The following PTPN13 variants were observed in gnomAD, a reference collection of about 807,000 sequenced individuals.
PTPN13 encodes the protein tyrosine-protein phosphatase non-receptor type 13.
A neutral mutation model predicts 284.0 loss-of-function variants in PTPN13; 191 were observed. The ratio of observed to expected loss-of-function variants is 0.67; its 90% CI spans 0.60 to 0.76. The LOEUF (loss-of-function observed/expected upper bound fraction) is 0.76. PTPN13 is among the 30% of genes least tolerant of loss of function. The pLI is 0.00. For missense variants in PTPN13, 2,797 were observed against 2,939.9 expected, an observed-to-expected ratio of 0.95 and a Z score of 1.12; for synonymous variants, 986 against 1,022.3, an observed-to-expected ratio of 0.96 and a Z score of 0.68.
At chr4:86,705,333 CA>C (rs759784072) in intron 7 of PTPN13, among the ~76,000 whole-genome samples, 1,177 of 95,280 alleles carry the variant, frequency 0.012, 27 homozygotes, top group Middle Eastern at 0.051. Flanking sequence ...GACTCCGTCT[CA>C]AAAAAAAAAA....
rs371268712 is a variant in PTPN13 at position 86,749,549 on chromosome 4, A to G, written c.2651-921A>G. On this transcript the variant is annotated intron_variant, in intron 17 of 47. Coordinates refer to ENST00000411767, the MANE Select transcript of PTPN13 (RefSeq NM_080683.3). Reference sequence around the variant, plus strand: ...TCCTTTGCTCCTATTCTTCATTTACATATGCTGCATTGCTTTTGTTATTAG... The same window carrying G: ...TCCTTTGCTCCTATTCTTCATTTACGTATGCTGCATTGCTTTTGTTATTAG... Among the ~76,000 whole-genome samples the G allele has an allele frequency of 4.2e-4, 64 of 152,344 alleles. 1 individual carries two copies. The highest frequency in any genetic ancestry group is 1.3e-3 in the African/African-American group (54 of 41,590).
Position 86,715,600 on chromosome 4 carries a change from AAAAT to A in PTPN13, c.1196-925_1196-922del, listed in dbSNP as rs1732931794. Among the ~76,000 whole-genome samples, 3 of 152,318 alleles carry A rather than the reference AAAAT, an allele frequency of 2.0e-5. No individual in the cohort carries two copies. In the South Asian group the frequency reaches 6.2e-4, roughly 32 times the overall value. ...GAATGAGACCCTGTCTCTAAAAAAT[AAAAT>A]AAATCTAGTTGAGGACCAGCTTATA... On this transcript the variant is annotated intron_variant, in intron 7 of 47. Coordinates refer to ENST00000411767, the MANE Select transcript of PTPN13 (RefSeq NM_080683.3).
chr4:86,759,589 G>A (rs915090559), intron 23 of PTPN13, among the ~76,000 whole-genome samples: 1 of 152,204 alleles, frequency 6.6e-6, no homozygotes, highest in African/African-American at 2.4e-5. Flanking sequence ...TGGTAGGACA[G>A]TATTTGTGGA....
At chr4:86,763,388 A>G (rs902532154) in intron 24 of PTPN13, among the ~76,000 whole-genome samples, 198 bp downstream of exon 24, 2 of 152,228 alleles carry the variant, frequency 1.3e-5, no homozygotes, top group East Asian at 1.9e-4. Context: ...TTAAATGGCT[A>G]TGACTTTGCA....
At chr4:86,771,914 A>G (rs1224782762) in intron 31 of PTPN13, among the ~76,000 whole-genome samples, 4 of 152,226 alleles carry the variant, frequency 2.6e-5, no homozygotes, top group Non-Finnish European at 5.9e-5. Context: ...TGCAAAAGGT[A>G]AGACAAAGAA....
At position 86,779,701 on chromosome 4, in the gene PTPN13, A is replaced by G. The variant is rs1429299422; in HGVS notation, c.5892-701A>G. 4.6e-5 allele frequency among the ~76,000 whole-genome samples: 7 copies of G among 152,232 alleles called. No homozygotes were observed. In the East Asian group the frequency reaches 1.4e-3, roughly 29 times the overall value. ...CAGGGGTACTCAGAACTTTAAGTATATTGCCTCTCCCAATACTGTACACCT... is the reference window on the plus strand; with the variant it reads ...CAGGGGTACTCAGAACTTTAAGTATGTTGCCTCTCCCAATACTGTACACCT... On this transcript the variant is annotated intron_variant, in intron 35 of 47. Coordinates refer to ENST00000411767, the MANE Select transcript of PTPN13 (RefSeq NM_080683.3).
At position 86,807,819 on chromosome 4, in the gene PTPN13, C is replaced by T. The variant is rs1383544142; in HGVS notation, c.7005C>T (p.Asn2335=). The change falls in exon 45 of 48, where the codon AAC becomes AAT. Residue 2335 remains asparagine (N), a synonymous_variant. Coordinates refer to ENST00000411767, the MANE Select transcript of PTPN13 (RefSeq NM_080683.3). ...NILGKTTMVS[N]RLRLALVRMQ... ...TAGGCAAAACAACAATGGTCAGCAACAGACTTCGACTGGCTCTTGTGAGAA... is the reference window on the plus strand; with the variant it reads ...TAGGCAAAACAACAATGGTCAGCAATAGACTTCGACTGGCTCTTGTGAGAA... 1 of 1,614,034 alleles carries T rather than the reference C, an allele frequency of 6.2e-7. No individual in the cohort carries two copies. The highest frequency in any genetic ancestry group is 1.3e-5 in the African/African-American group (1 of 75,050).
chr4:86,758,597 A>T, intron 21 of PTPN13, 81 bp from the exon 22 acceptor site: 1 of 1,224,630 alleles, frequency 8.2e-7, no homozygotes, highest in South Asian at 1.3e-5. Context: ...TAGTCCCCAC[A>T]TTTCTGTGTT....
intron 15 of PTPN13, 38 bp downstream of exon 15, chr4:86,735,784 T>A: frequency 6.4e-7 from 1 of 1,569,446 alleles, no homozygotes; most frequent in African/African-American, 1.4e-5. Context: ...GCTTTGTATC[T>A]TTTCCAAGTA....
chr4:86,799,170 A>G lies in PTPN13; in HGVS notation c.6471A>G (p.Pro2157=). The G allele has an allele frequency of 6.3e-7, 1 of 1,586,076 alleles. No individual in the cohort carries two copies. The highest frequency in any genetic ancestry group is 1.2e-5 in the South Asian group (1 of 84,574). Residue 2157 remains proline, a synonymous_variant, in exon 42 of 48, where the codon CCA becomes CCG. Coordinates refer to ENST00000411767, the MANE Select transcript of PTPN13 (RefSeq NM_080683.3). ...DEITWGNDEL[P]IERTNHEDSD... is the part of the protein sequence containing the mutation. Reference sequence around the variant, plus strand: ...TAACATGGGGAAATGATGAGTTGCCAATAGAGAGAACAAACCATGAAGATT... The same window carrying G: ...TAACATGGGGAAATGATGAGTTGCCGATAGAGAGAACAAACCATGAAGATT...
intron 1 of PTPN13, among the ~76,000 whole-genome samples, chr4:86,597,663 CTG>C (rs755558207): frequency 1.3e-5 from 2 of 152,222 alleles, no homozygotes; most frequent in Non-Finnish European, 2.9e-5. Context: ...GTGTCAGGCA[CTG>C]TGAATAAGCA....
chr4:86,613,461 C>T (rs541001844), intron 1 of PTPN13, among the ~76,000 whole-genome samples: 5 of 151,926 alleles, frequency 3.3e-5, no homozygotes, highest in Admixed American at 6.6e-5. Flanking sequence ...CAGTGAAACC[C>T]GTGTCTACTA....
intron 6 of PTPN13, among the ~76,000 whole-genome samples, chr4:86,696,553 T>A (rs1215257160): frequency 1.3e-5 from 2 of 152,034 alleles, no homozygotes; most frequent in African/African-American, 4.8e-5. Flanking sequence ...ATTTTGTTTT[T>A]ATAATACTAA....
chr4:86,677,318 CTTT>C (rs1175955514), intron 3 of PTPN13, among the ~76,000 whole-genome samples: 7 of 138,574 alleles, frequency 5.1e-5, no homozygotes, highest in Admixed American at 7.2e-5. Context: ...TAAATTTAGT[CTTT>C]TTTTTTTTTT....
intron 2 of PTPN13, among the ~76,000 whole-genome samples, chr4:86,654,272 G>A (rs1272598417): frequency 4.6e-5 from 7 of 152,008 alleles, no homozygotes; most frequent in African/African-American, 1.2e-4. Context: ...TTGATAGACC[G>A]CTAGCAAGAC....
chr4:86,796,436 A>G (rs923141860), intron 40 of PTPN13, among the ~76,000 whole-genome samples: 1 of 151,942 alleles, frequency 6.6e-6, no homozygotes, highest in African/African-American at 2.4e-5. Context: ...GGAGTTTAAG[A>G]CCAGCCTGGG....
At chr4:86,698,094 C>T (rs1314775630) in intron 6 of PTPN13, among the ~76,000 whole-genome samples, 1 of 152,018 alleles carries the variant, frequency 6.6e-6, no homozygotes, top group East Asian at 1.9e-4. Context: ...GTGATCTAGT[C>T]AAGCAATAAT....
Position 86,785,938 on chromosome 4 carries a change from T to C in PTPN13, c.6345+2T>C, listed in dbSNP as rs1741851367. On this transcript the variant is annotated splice_donor_variant, in intron 40 of 47. Coordinates refer to ENST00000411767, the MANE Select transcript of PTPN13 (RefSeq NM_080683.3). LOFTEE classifies it high-confidence loss of function. The stretch of plus-strand genomic sequence containing the variant: ...CCTTTACCTGAGTATTTTACTGAGG[T>C]AACAATAATACCTAAACAACCTAGG... 1 of 1,513,430 alleles carries C rather than the reference T, an allele frequency of 6.6e-7. No homozygotes were observed. The highest frequency in any genetic ancestry group is 9.0e-7 in the Non-Finnish European group (1 of 1,115,446). 93.8% of individuals were successfully genotyped at this position (1,513,430 alleles called of 1,614,324 possible).
chr4:86,809,823 G>C lies in PTPN13; in HGVS notation c.7138G>C (p.Asp2380His). The change falls in exon 46 of 48, where the codon GAT (aspartate) becomes CAT (histidine). Residue 2380 changes from aspartate to histidine, a missense_variant. By Grantham distance (81) the Asp-to-His change is moderately conservative. Coordinates refer to ENST00000411767, the MANE Select transcript of PTPN13 (RefSeq NM_080683.3). ...GAATTTCACTGCCTGGCCAGACCAT[G>C]ATACACCTTCTCAACCAGATGATCT... is the stretch of plus-strand genomic sequence containing the variant. ...HLNFTAWPDHDTPSQPDDLLT... is the reference protein window; with the variant it reads ...HLNFTAWPDHHTPSQPDDLLT... The C allele has an allele frequency of 6.2e-7, 1 of 1,614,072 alleles. No homozygotes were observed. Among genetic ancestry groups the C allele is most frequent in the Non-Finnish European group, 8.5e-7 (1 of 1,179,914 alleles).
Sources: gnomAD v4.1 joint callset for allele counts (sites outside exome capture counted in the v4.1 genomes callset) on GRCh38, gnomAD v4.1.1 for gene constraint, MANE v1.5 for transcripts, NCBI Gene and HGNC (gene_info 2026-07-23, HGNC 2026-07-21) for gene names.